Variants in CHST8 observed in about 807,000 individuals in gnomAD.
CHST8 encodes carbohydrate sulfotransferase 8.
In CHST8, 10 loss-of-function variants were observed where a neutral mutation model predicts 15.0. That is an observed-to-expected ratio of 0.67 (90% CI 0.41 to 1.13). The LOEUF (loss-of-function observed/expected upper bound fraction) is 1.13, where lower values mean the gene tolerates loss of function less well. Ranked by LOEUF, CHST8 falls within the 50% of genes most tolerant of loss-of-function variation. The pLI, the probability that CHST8 is intolerant of heterozygous loss-of-function variation, is 0.00. For missense variants in CHST8, 634 were observed against 608.2 expected, an observed-to-expected ratio of 1.04 and a Z score of -0.45; for synonymous variants, 259 against 256.6, an observed-to-expected ratio of 1.01 and a Z score of -0.09.
chr19:33,743,039 G>T (rs1033564983), intron 3 of CHST8, among the ~76,000 whole-genome samples: 3 of 152,156 alleles, frequency 2.0e-5, no homozygotes, highest in Admixed American at 1.3e-4. Context: ...GGGCTGCAGA[G>T]GCATTCTGCC....
At chr19:33,754,602 A>T (rs1974508127) in intron 3 of CHST8, among the ~76,000 whole-genome samples, 1 of 152,202 alleles carries the variant, frequency 6.6e-6, no homozygotes, top group Non-Finnish European at 1.5e-5. Flanking sequence ...CTTTAGCTTG[A>T]CTGGTGGGAA....
At chr19:33,659,727 C>T (rs1395011518) in intron 1 of CHST8, among the ~76,000 whole-genome samples, 1 of 152,030 alleles carries the variant, frequency 6.6e-6, no homozygotes. Context: ...GGAGGATCAC[C>T]TGAGCCCAGG....
At chr19:33,734,790 T>C (rs375005572) in intron 3 of CHST8, among the ~76,000 whole-genome samples, 45 of 152,254 alleles carry the variant, frequency 3.0e-4, no homozygotes, top group African/African-American at 1.0e-3. Flanking sequence ...GAGCACTGAC[T>C]TCCCCCAGGG....
At chr19:33,671,183 GA>G (rs1405863981) in intron 2 of CHST8, among the ~76,000 whole-genome samples, 2 of 152,292 alleles carry the variant, frequency 1.3e-5, no homozygotes, top group Non-Finnish European at 2.9e-5. Context: ...ATCCACATCA[GA>G]AAAGCTCATG....
chr19:33,765,513 TTG>T (rs61673440), intron 3 of CHST8, among the ~76,000 whole-genome samples: 17,968 of 131,596 alleles, frequency 0.14, 1,333 homozygotes, highest in Non-Finnish European at 0.16. Context: ...ATGCCAGTCT[TTG>T]TGTGTGTGTG....
At chr19:33,729,862 A>G (rs1443102104) in intron 3 of CHST8, among the ~76,000 whole-genome samples, 2 of 152,198 alleles carry the variant, frequency 1.3e-5, no homozygotes, top group Non-Finnish European at 2.9e-5. Flanking sequence ...GGGCAGTGAG[A>G]GGAAGAACCT....
chr19:33,772,949 C>G lies in CHST8; in HGVS notation c.1161C>G (p.Ile387Met), dbSNP rs867158855. 4 of 1,613,524 alleles carry G rather than the reference C, an allele frequency of 2.5e-6. No individual in the cohort carries two copies. The highest frequency in any genetic ancestry group is 3.3e-5 in the Admixed American group (2 of 60,034). ...AGGAGGCGCGGACCACAGCGAGGAT[C>G]GCCCACCAGTACTTCGCCCAACTCT... ...HSQEARTTAR[I>M]AHQYFAQLSA... The change falls in exon 5 of 5, where the codon ATC becomes ATG. Residue 387 changes from isoleucine to methionine, a missense_variant. Coordinates refer to ENST00000650847, the MANE Select transcript of CHST8 (RefSeq NM_001127895.2).
rs186695811 is a variant in CHST8 at position 33,770,751 on chromosome 19, C to T, written c.131-662C>T. ...GCTGGACAATTACCCTCTACCTGGGCGCTGCTTAGGGCTTTGGGGGAGACC... is the reference window on the plus strand; with the variant it reads ...GCTGGACAATTACCCTCTACCTGGGTGCTGCTTAGGGCTTTGGGGGAGACC... On this transcript the variant is annotated intron_variant, in intron 3 of 4. Transcript: ENST00000650847. Among the ~76,000 whole-genome samples, 9 of 152,300 alleles carry T rather than the reference C, an allele frequency of 5.9e-5. No homozygotes were observed. The East Asian group carries it at 9.7e-4, about 16-fold the overall frequency.
intron 1 of CHST8, among the ~76,000 whole-genome samples, chr19:33,643,604 C>T (rs1972312189): frequency 6.6e-6 from 1 of 152,180 alleles, no homozygotes; most frequent in Admixed American, 6.6e-5. Flanking sequence ...TTTTTAAATG[C>T]CACCTTGACC....
In CHST8 at chr19:33,773,272, C is replaced by T; in HGVS notation, c.*209C>T. The T allele has an allele frequency of 1.7e-6, 1 of 597,226 alleles. No individual in the cohort carries two copies. Among genetic ancestry groups the T allele is most frequent in the African/African-American group, 1.9e-5 (1 of 53,918 alleles). 37.0% of individuals were successfully genotyped at this position (597,226 alleles called of 1,614,324 possible). ...AGCCCCTGGCCTGTACCTGTTTCCT[C>T]ATTCCTTGGCTGAGGGAGAGGCTGA... is the stretch of plus-strand genomic sequence containing the variant. On this transcript the variant is annotated 3_prime_UTR_variant, in exon 5 of 5. Coordinates refer to ENST00000650847, the MANE Select transcript of CHST8 (RefSeq NM_001127895.2).
At chr19:33,631,461 G>A (rs1972121409) in intron 1 of CHST8, among the ~76,000 whole-genome samples, 2 of 152,120 alleles carry the variant, frequency 1.3e-5, no homozygotes, top group African/African-American at 4.8e-5. Flanking sequence ...GCTACCTGCT[G>A]TCAGTGGTCA....
chr19:33,722,292 T>C (rs889223009), intron 3 of CHST8, among the ~76,000 whole-genome samples: 1 of 149,956 alleles, frequency 6.7e-6, no homozygotes, highest in Non-Finnish European at 1.5e-5. Flanking sequence ...GACAGACGGA[T>C]GGAAAGATGG....
intron 3 of CHST8, among the ~76,000 whole-genome samples, chr19:33,712,171 C>G (rs1973565478): frequency 6.6e-6 from 1 of 152,254 alleles, no homozygotes; most frequent in Admixed American, 6.5e-5. Context: ...CTGCACTGAC[C>G]CCTCCCAGTA....
intron 1 of CHST8, among the ~76,000 whole-genome samples, chr19:33,623,731 C>T (rs1030700033): frequency 3.9e-5 from 6 of 152,162 alleles, no homozygotes; most frequent in Non-Finnish European, 8.8e-5. Flanking sequence ...ATGACCTTTC[C>T]TGCCCACCCT....
intron 3 of CHST8, among the ~76,000 whole-genome samples, chr19:33,737,896 GA>G (rs1274384991): frequency 1.3e-5 from 2 of 152,062 alleles, no homozygotes; most frequent in Non-Finnish European, 2.9e-5. Flanking sequence ...CCAAGCACTA[GA>G]GAATTTTCTC....
intron 1 of CHST8, among the ~76,000 whole-genome samples, chr19:33,637,404 C>CT (rs35709907): frequency 0.097 from 12,956 of 133,752 alleles, 782 homozygotes; most frequent in African/African-American, 0.16. Flanking sequence ...GGTTCGCTTT[C>CT]TTTTTTTTTT....
At position 33,689,195 on chromosome 19, in the gene CHST8, C is replaced by G; in HGVS notation, c.-67C>G. The G allele has an allele frequency of 6.8e-7, 1 of 1,461,818 alleles. No individual in the cohort carries two copies. The allele number at this position is 1,461,818 out of a possible 1,614,324, so 90.6% of individuals were successfully genotyped here. On this transcript the variant is annotated 5_prime_UTR_variant, in exon 3 of 5. Coordinates refer to ENST00000650847, the MANE Select transcript of CHST8 (RefSeq NM_001127895.2). ...CCGTAGATCTCGGCCTGATGGACGC[C>G]TGGTGTGGACGATGAGGGAAGAACG...
intron 3 of CHST8, among the ~76,000 whole-genome samples, chr19:33,766,062 C>A (rs890210903): frequency 6.6e-6 from 1 of 152,094 alleles, no homozygotes; most frequent in Non-Finnish European, 1.5e-5. Flanking sequence ...CTCCGGCCTG[C>A]TGGCAGATTT....
At chr19:33,668,760 A>G (rs1393489852) in intron 2 of CHST8, among the ~76,000 whole-genome samples, 1 of 152,158 alleles carries the variant, frequency 6.6e-6, no homozygotes, top group Non-Finnish European at 1.5e-5. Context: ...AGCGCTGCAG[A>G]ATTTTGAATA....
Sources: gnomAD v4.1 joint callset for allele counts (sites outside exome capture counted in the v4.1 genomes callset) on GRCh38, gnomAD v4.1.1 for gene constraint, MANE v1.5 for transcripts, NCBI Gene and HGNC (gene_info 2026-07-23, HGNC 2026-07-21) for gene names.